Variants in OR1B1 observed in about 807,000 individuals in gnomAD.
OR1B1 encodes olfactory receptor 1B1.
For synonymous variants in OR1B1, 168 were observed against 156.2 expected (o/e 1.08, Z -0.57); for missense variants, 414 against 402.1 (o/e 1.03, Z -0.25).
the OR1B1 span, among the ~76,000 whole-genome samples, chr9:122,649,427 C>A: frequency 3.9e-5 from 6 of 152,202 alleles, no homozygotes; most frequent in Non-Finnish European, 7.4e-5. Flanking sequence ...TAAAGAGTTT[C>A]TGCACAGCAA....
chr9:122,642,372 G>C, the OR1B1 span, among the ~76,000 whole-genome samples: 2 of 152,162 alleles, frequency 1.3e-5, no homozygotes, highest in Non-Finnish European at 2.9e-5. Context: ...TGTGACTCTG[G>C]ATTGTGTGAC....
chr9:122,647,826 A>T, the OR1B1 span, among the ~76,000 whole-genome samples: 3 of 152,342 alleles, frequency 2.0e-5, no homozygotes, highest in African/African-American at 7.2e-5. Flanking sequence ...TCAAGAAAGA[A>T]TGGCTGAATA....
chr9:122,632,412 T>C (rs1830211763), upstream of OR1B1, among the ~76,000 whole-genome samples: 1 of 152,176 alleles, frequency 6.6e-6, no homozygotes, highest in Non-Finnish European at 1.5e-5. Flanking sequence ...AGAAGTTAGT[T>C]CTTTTAAAAA....
chr9:122,635,531 C>T, the OR1B1 span, among the ~76,000 whole-genome samples: 30 of 152,056 alleles, frequency 2.0e-4, no homozygotes, highest in Admixed American at 9.8e-4. Flanking sequence ...GGTGTTCTTA[C>T]CACAAAAAAA....
chr9:122,639,440 C>A, the OR1B1 span, among the ~76,000 whole-genome samples: 2 of 152,026 alleles, frequency 1.3e-5, no homozygotes, highest in Non-Finnish European at 2.9e-5. Context: ...GAACATATCA[C>A]AATGTATTTA....
chr9:122,656,045 C>A, the OR1B1 span, among the ~76,000 whole-genome samples: 1 of 152,030 alleles, frequency 6.6e-6, no homozygotes, highest in African/African-American at 2.4e-5. Context: ...TCCTTATTTC[C>A]AAAATGGGTA....
At chr9:122,631,407 G>C (rs543537644), upstream of OR1B1, among the ~76,000 whole-genome samples, 405 of 151,990 alleles carry the variant, frequency 2.7e-3, 3 homozygotes, top group African/African-American at 9.3e-3. Flanking sequence ...TCGATCTCCT[G>C]ACCTCGTGAT....
upstream of OR1B1, among the ~76,000 whole-genome samples, chr9:122,632,943 T>C (rs1287121146): frequency 6.6e-6 from 1 of 152,110 alleles, no homozygotes; most frequent in East Asian, 1.9e-4. Context: ...GACCTCACAA[T>C]CATGGCAGAA....
the OR1B1 span, among the ~76,000 whole-genome samples, chr9:122,643,611 G>A: frequency 5.9e-5 from 9 of 152,336 alleles, no homozygotes; most frequent in Non-Finnish European, 7.4e-5. Context: ...AGGGTGGCAC[G>A]TGACCCAGGG....
chr9:122,636,365 A>C, the OR1B1 span, among the ~76,000 whole-genome samples: 1 of 152,210 alleles, frequency 6.6e-6, no homozygotes, highest in Non-Finnish European at 1.5e-5. Context: ...CTGTAATCCC[A>C]ACAATTTGGG....
upstream of OR1B1, among the ~76,000 whole-genome samples, chr9:122,630,492 A>G (rs1413759371): frequency 6.6e-6 from 1 of 152,182 alleles, no homozygotes; most frequent in Non-Finnish European, 1.5e-5. Flanking sequence ...ACTAATTTCT[A>G]CAACCTCATT....
At chr9:122,646,679 C>A in the OR1B1 span, among the ~76,000 whole-genome samples, 6 of 152,144 alleles carry the variant, frequency 3.9e-5, no homozygotes, top group South Asian at 1.0e-3. Context: ...TATATGCACC[C>A]AAAACTGGAG....
At chr9:122,654,989 G>C in the OR1B1 span, among the ~76,000 whole-genome samples, 5 of 152,082 alleles carry the variant, frequency 3.3e-5, no homozygotes, top group African/African-American at 1.2e-4. Flanking sequence ...TTGTTAATTA[G>C]CCTGATTTAA....
the OR1B1 span, chr9:122,639,775 A>T: frequency 2.0e-5 from 3 of 149,374 alleles, no homozygotes; most frequent in South Asian, 6.3e-4. Context: ...ATATTTATAT[A>T]TATTTATTTA....
At chr9:122,646,981 T>C in the OR1B1 span, among the ~76,000 whole-genome samples, 5 of 152,202 alleles carry the variant, frequency 3.3e-5, no homozygotes, top group Non-Finnish European at 5.9e-5. Context: ...AGTTTGTTTA[T>C]GCAATCAGTG....
chr9:122,650,226 A>G, the OR1B1 span, among the ~76,000 whole-genome samples: 2 of 152,068 alleles, frequency 1.3e-5, no homozygotes, highest in African/African-American at 4.8e-5. Context: ...AGGGAGGGGA[A>G]CATCACACAC....
At chr9:122,653,654 T>A in the OR1B1 span, among the ~76,000 whole-genome samples, 1 of 152,140 alleles carries the variant, frequency 6.6e-6, no homozygotes, top group Non-Finnish European at 1.5e-5. Context: ...ACCATAGCAC[T>A]TCCCCCTGGC....
At chr9:122,634,576 G>T in the OR1B1 span, among the ~76,000 whole-genome samples, 2 of 151,964 alleles carry the variant, frequency 1.3e-5, no homozygotes, top group African/African-American at 4.8e-5. Flanking sequence ...ATAAGATCTC[G>T]TGAGAATGCA....
At chr9:122,645,206 G>A in the OR1B1 span, among the ~76,000 whole-genome samples, 1 of 151,990 alleles carries the variant, frequency 6.6e-6, no homozygotes, top group East Asian at 1.9e-4. Flanking sequence ...AAGAACTGGT[G>A]AGCTTGAAGA....
Sources: allele counts gnomAD v4.1 joint callset (sites outside exome capture counted in the v4.1 genomes callset), GRCh38; gene constraint gnomAD v4.1.1; transcripts MANE v1.5; gene names NCBI Gene and HGNC (gene_info 2026-07-23, HGNC 2026-07-21).